The following CCNJ variants were observed in gnomAD, a reference collection of about 807,000 sequenced individuals.
The protein encoded by CCNJ is cyclin J.
A neutral mutation model predicts 41.4 loss-of-function variants in CCNJ; 12 were observed. The observed-to-expected ratio is 0.29, with a 90% confidence interval of 0.19 to 0.47. CCNJ has a LOEUF of 0.47. CCNJ is among the 20% of genes least tolerant of loss of function. CCNJ has a pLI of 1.00. For synonymous variants in CCNJ, 161 were observed against 173.4 expected (o/e 0.93, Z 0.56); for missense variants, 340 against 464.6 (o/e 0.73, Z 2.47).
At chr10:96,054,281 G>A (rs575800401) in intron 3 of CCNJ, among the ~76,000 whole-genome samples, 2 of 152,294 alleles carry the variant, frequency 1.3e-5, no homozygotes, top group Admixed American at 6.5e-5. Flanking sequence ...TGAACTGTGT[G>A]TGGTAATGTG....
rs1355991465 is a variant in CCNJ, at chr10:96,056,871, A to T, written c.451A>T (p.Ile151Phe). The T allele has an allele frequency of 1.2e-6, 2 of 1,614,058 alleles. No individual in the cohort carries two copies. Among genetic ancestry groups the T allele is most frequent in the African/African-American group, 2.7e-5 (2 of 74,914 alleles). Residue 151 changes from isoleucine (I) to phenylalanine (F), a missense_variant, in exon 4 of 6, where the codon ATT becomes TTT. Ile to Phe is a conservative substitution (Grantham distance 21, BLOSUM62 0). Transcript: ENST00000465148. The part of the protein sequence containing the change: ...NLCLPTAAHF[I>F]EYYLSEAVHE... ...CTGCCTTCCAACAGCCGCCCATTTC[A>T]TTGAGTATTATCTCTCTGAAGCAGT...
At chr10:96,051,991 G>T (rs1184721436) in intron 3 of CCNJ, among the ~76,000 whole-genome samples, 2 of 152,100 alleles carry the variant, frequency 1.3e-5, no homozygotes, top group Admixed American at 6.5e-5. Context: ...TCATCCCCAT[G>T]TACGTTGAGC....
rs1343015314 is a variant in CCNJ, at chr10:96,058,381, T to C, written c.*140T>C. 3 of 652,748 alleles carry C rather than the reference T, an allele frequency of 4.6e-6. No homozygotes were observed. The highest frequency in any genetic ancestry group is 7.9e-6 in the Non-Finnish European group (3 of 380,924). The allele number at this position is 652,748 out of a possible 1,614,324, so 40.4% of individuals were successfully genotyped here. On this transcript the variant is annotated 3_prime_UTR_variant, in exon 6 of 6. Coordinates refer to ENST00000465148, the MANE Select transcript of CCNJ (RefSeq NM_001134375.2). ...AGGTACCAGCACCAGGAAGACTGAATATCCTTTTTAATGCACCATGAATCC... is the reference window on the plus strand; with the variant it reads ...AGGTACCAGCACCAGGAAGACTGAACATCCTTTTTAATGCACCATGAATCC...
At chr10:96,055,362 T>C (rs1032122509) in intron 3 of CCNJ, among the ~76,000 whole-genome samples, 5 of 152,192 alleles carry the variant, frequency 3.3e-5, no homozygotes, top group Non-Finnish European at 7.3e-5. Context: ...AAATCTAAAA[T>C]AGAACACAGT....
chr10:96,057,458 G>A (rs2080724677), intron 5 of CCNJ, among the ~76,000 whole-genome samples: 1 of 152,152 alleles, frequency 6.6e-6, no homozygotes, highest in Admixed American at 6.5e-5. Flanking sequence ...ATAAGGAAAG[G>A]AGCTGCTTGT....
upstream of CCNJ, chr10:96,043,326 C>T (rs1028987669): frequency 3.1e-6 from 1 of 321,026 alleles, no homozygotes; most frequent in Non-Finnish European, 5.7e-6. Context: ...ATCAGGCCGG[C>T]TTCGCAGTAG....
At chr10:96,048,924 T>G (rs2080441824) in intron 2 of CCNJ, among the ~76,000 whole-genome samples, 1 of 152,190 alleles carries the variant, frequency 6.6e-6, no homozygotes, top group African/African-American at 2.4e-5. Flanking sequence ...TCAGTTCTTT[T>G]GAGTATGTAC....
In CCNJ at chr10:96,057,943, T is replaced by G. The variant is rs755306108; in HGVS notation, c.854T>G (p.Phe285Cys). The part of the protein sequence containing the change: ...TASQPSRPVH[F>C]QQPQYLHQTH... ...TCCCAGCCATCACGGCCAGTTCACT[T>G]TCAGCAACCTCAGTATCTCCATCAG... is the stretch of plus-strand genomic sequence containing the variant. Residue 285 changes from phenylalanine (F) to cysteine (C), a missense_variant, in exon 6 of 6, where the codon TTT (phenylalanine) becomes TGT (cysteine). Physicochemically the swap from Phe to Cys is radical, Grantham distance 205. This residue lies in a region of CCNJ where 159 missense variants were observed against 168.2 expected (regional missense o/e 0.95). Transcript: ENST00000465148. 1 of 1,614,228 alleles carries G rather than the reference T, an allele frequency of 6.2e-7. No homozygotes were observed. Among genetic ancestry groups the G allele is most frequent in the Non-Finnish European group, 8.5e-7 (1 of 1,180,038 alleles).
At chr10:96,055,099 C>A (rs189267077) in intron 3 of CCNJ, among the ~76,000 whole-genome samples, 9 of 152,286 alleles carry the variant, frequency 5.9e-5, no homozygotes, top group Admixed American at 3.3e-4. Context: ...GTGCTTTCAA[C>A]TTTAAGTATT....
chr10:96,043,523 C>T, upstream of CCNJ: 1 of 392,994 alleles, frequency 2.5e-6, no homozygotes, highest in Non-Finnish European at 4.5e-6. Flanking sequence ...AGATTGGCAG[C>T]GGCGGGGCCT....
At position 96,057,076 on chromosome 10, in the gene CCNJ, G is replaced by A. The variant is rs1261018140; in HGVS notation, c.581-12G>A. On this transcript the variant is annotated splice_polypyrimidine_tract_variant and intron_variant, in intron 4 of 5. Transcript: ENST00000465148. ...ATTCTGTTCCTTAAGTTCATTTTTG[G>A]TGTCTCCACAGATTATGCCTTTCTA... The A allele has an allele frequency of 6.2e-7, 1 of 1,613,804 alleles. No homozygotes were observed. The highest frequency in any genetic ancestry group is 1.3e-5 in the African/African-American group (1 of 74,878).
chr10:96,047,828 G>A (rs2080406898), intron 2 of CCNJ, among the ~76,000 whole-genome samples: 1 of 152,090 alleles, frequency 6.6e-6, no homozygotes, highest in African/African-American at 2.4e-5. Context: ...GTGCAGGTTT[G>A]TTACATAGGT....
chr10:96,046,847 T>TAG (rs563922196), intron 2 of CCNJ, among the ~76,000 whole-genome samples: 149 of 152,340 alleles, frequency 9.8e-4, no homozygotes, highest in African/African-American at 3.6e-3. Flanking sequence ...TGTGTATAGT[T>TAG]AGTGTCATAG....
intron 3 of CCNJ, among the ~76,000 whole-genome samples, chr10:96,055,677 A>G (rs1053444695): frequency 4.6e-5 from 7 of 152,218 alleles, no homozygotes; most frequent in Admixed American, 2.6e-4. Flanking sequence ...AACCTTATAG[A>G]TGGGTATTTC....
intron 2 of CCNJ, among the ~76,000 whole-genome samples, chr10:96,046,745 GA>G (rs762151133): frequency 1.3e-5 from 2 of 152,146 alleles, no homozygotes; most frequent in Non-Finnish European, 2.9e-5. Context: ...ACAATGAATG[GA>G]AATCATGCCA....
chr10:96,059,002 G>C lies in CCNJ; in HGVS notation c.*761G>C, dbSNP rs2080764602. On this transcript the variant is annotated 3_prime_UTR_variant, in exon 6 of 6. Coordinates refer to ENST00000465148, the MANE Select transcript of CCNJ (RefSeq NM_001134375.2). ...GAAACACTTAACTGTAATGCAACAT[G>C]CCTTGGGAATGTTATAGTGTGAACT... The C allele has an allele frequency of 6.5e-6, 1 of 152,742 alleles. No individual in the cohort carries two copies. The highest frequency in any genetic ancestry group is 1.5e-5 in the Non-Finnish European group (1 of 68,142). 9.5% of individuals were successfully genotyped at this position (152,742 alleles called of 1,614,324 possible). A position where few individuals can be genotyped will look rare whatever the true frequency, so the allele number is the denominator to read the frequency against.
chr10:96,058,840 G>T lies in CCNJ; in HGVS notation c.*599G>T. On this transcript the variant is annotated 3_prime_UTR_variant, in exon 6 of 6. Transcript: ENST00000465148. Reference sequence around the variant, plus strand: ...TCTCACAAATAGTGTAGGTATCTGGGTTTATATACTAAAATTAAGGGTGGA... The same window carrying T: ...TCTCACAAATAGTGTAGGTATCTGGTTTTATATACTAAAATTAAGGGTGGA... 1 of 208,922 alleles carries T rather than the reference G, an allele frequency of 4.8e-6. No homozygotes were observed. Among genetic ancestry groups the T allele is most frequent in the Non-Finnish European group, 9.4e-6 (1 of 106,198 alleles). 12.9% of individuals were successfully genotyped at this position (208,922 alleles called of 1,614,324 possible). A position where few individuals can be genotyped will look rare whatever the true frequency, so the allele number is the denominator to read the frequency against.
intron 2 of CCNJ, among the ~76,000 whole-genome samples, chr10:96,047,766 ACAT>A (rs1300858550): frequency 2.6e-5 from 4 of 152,256 alleles, no homozygotes; most frequent in African/African-American, 9.6e-5. Context: ...AAATGTATCA[ACAT>A]AAAACTTTTT....
intron 3 of CCNJ, 120 bp downstream of exon 3, chr10:96,050,586 G>C (rs2080493927): frequency 1.4e-6 from 1 of 728,490 alleles, no homozygotes. Context: ...CTAGTATCAA[G>C]AAGCTTATGT....
Sources: allele counts gnomAD v4.1 joint callset (sites outside exome capture counted in the v4.1 genomes callset), GRCh38; gene constraint gnomAD v4.1.1; regional missense constraint gnomAD v4.1.1; transcripts MANE v1.5; gene names NCBI Gene and HGNC (gene_info 2026-07-23, HGNC 2026-07-21).